Variants in STK3 observed in about 807,000 individuals in gnomAD.
STK3 encodes serine/threonine kinase 3, also known as serine/threonine-protein kinase 3.
Under a neutral mutation model 58.0 loss-of-function variants are expected in STK3, and 41 were observed. The ratio of observed to expected loss-of-function variants is 0.71; its 90% CI spans 0.55 to 0.92. STK3 has a LOEUF of 0.92. Among genes scored for constraint, STK3 ranks in the 40% least tolerant of loss-of-function variants. STK3 has a pLI of 0.00. For synonymous variants in STK3, 170 were observed against 191.0 expected, an observed-to-expected ratio of 0.89 and a Z score of 0.91; for missense variants, 479 against 602.7, an observed-to-expected ratio of 0.79 and a Z score of 2.15.
intron 3 of STK3, among the ~76,000 whole-genome samples, chr8:98,760,781 A>C (rs1203281537): frequency 6.7e-6 from 1 of 149,378 alleles, no homozygotes; most frequent in Non-Finnish European, 1.5e-5. Context: ...CATCCTTTCC[A>C]TTTCCATCTT....
intron 3 of STK3, among the ~76,000 whole-genome samples, chr8:98,404,024 C>G (rs543248670): frequency 1.2e-4 from 18 of 152,236 alleles, no homozygotes; most frequent in Non-Finnish European, 2.6e-4. Flanking sequence ...CAAACCCCCA[C>G]AAATGCATAA....
At chr8:98,666,330 T>C (rs1022520325) in intron 6 of STK3, among the ~76,000 whole-genome samples, 1 of 152,116 alleles carries the variant, frequency 6.6e-6, no homozygotes, top group Non-Finnish European at 1.5e-5. Flanking sequence ...TGCTTCTCAA[T>C]AAGAAAAATG....
intron 4 of STK3, among the ~76,000 whole-genome samples, chr8:98,725,238 A>G (rs1397545575): frequency 6.6e-6 from 1 of 152,236 alleles, no homozygotes; most frequent in African/African-American, 2.4e-5. Context: ...AAAACATCAC[A>G]TATGGTATTA....
intron 3 of STK3, among the ~76,000 whole-genome samples, chr8:98,762,722 T>C (rs1276085103): frequency 2.0e-5 from 3 of 152,244 alleles, no homozygotes; most frequent in Non-Finnish European, 4.4e-5. Context: ...CTTCTCTGCA[T>C]ATAAGCACCA....
At chr8:98,448,031 C>T (rs1819036677) in intron 1 of STK3, among the ~76,000 whole-genome samples, 2 of 150,858 alleles carry the variant, frequency 1.3e-5, no homozygotes, top group African/African-American at 4.9e-5. Context: ...AAACATTCTG[C>T]TTGGACTTTT....
intron 7 of STK3, among the ~76,000 whole-genome samples, chr8:98,588,601 T>A (rs563078043): frequency 6.6e-6 from 1 of 152,284 alleles, no homozygotes; most frequent in Non-Finnish European, 1.5e-5. Context: ...TCGAGGAGTA[T>A]CTTTATGGCG....
At chr8:98,551,378 A>G (rs1010014590) in intron 8 of STK3, among the ~76,000 whole-genome samples, 2 of 152,172 alleles carry the variant, frequency 1.3e-5, no homozygotes, top group African/African-American at 4.8e-5. Flanking sequence ...TGAATCCACT[A>G]AAGTGCTTCA....
chr8:98,783,991 A>G (rs1164480105), intron 1 of STK3, among the ~76,000 whole-genome samples: 1 of 152,224 alleles, frequency 6.6e-6, no homozygotes, highest in Non-Finnish European at 1.5e-5. Flanking sequence ...GGGAAGCCCA[A>G]GTATGCAAGA....
chr8:98,388,783 A>G (rs1300999305), upstream of STK3, among the ~76,000 whole-genome samples: 1 of 152,234 alleles, frequency 6.6e-6, no homozygotes, highest in African/African-American at 2.4e-5. Context: ...TTGCTGATTG[A>G]CTAGTTGACA....
At chr8:98,344,095 G>A in the STK3 span, among the ~76,000 whole-genome samples, 2 of 152,160 alleles carry the variant, frequency 1.3e-5, no homozygotes, top group Admixed American at 6.5e-5. Flanking sequence ...AGTTTCTGAA[G>A]TGCATTTATT....
intron 6 of STK3, among the ~76,000 whole-genome samples, chr8:98,676,529 C>T (rs1823224340): frequency 6.6e-6 from 1 of 151,682 alleles, no homozygotes; most frequent in Admixed American, 6.6e-5. Flanking sequence ...AGGAGAATCG[C>T]TTGAACCTGA....
Position 98,428,401 on chromosome 8 carries a change from A to C in STK3, n.483+5726T>G. The C allele has an allele frequency of 1.2e-6, 2 of 1,614,164 alleles. No homozygotes were observed. Among genetic ancestry groups the C allele is most frequent in the Non-Finnish European group, 1.7e-6 (2 of 1,180,032 alleles). On this transcript the variant is annotated intron_variant and non_coding_transcript_variant, in intron 3 of 3. Coordinates refer to the STK3 transcript ENST00000517832. This position sits in a 1 kb window ranked among gnomAD's most constrained non-coding sequence, Gnocchi z 6.7. ...GAGAAGTGGGACGAGCAGAGTGACC[A>C]GGAGAGCACCACGTCTTCCTTCGAT...
intron 6 of STK3, among the ~76,000 whole-genome samples, chr8:98,656,762 T>C (rs568790850): frequency 2.1e-4 from 32 of 152,170 alleles, no homozygotes; most frequent in Non-Finnish European, 3.4e-4. Context: ...GAAAGATTTA[T>C]TGTTTATAAC....
At chr8:98,689,124 A>G (rs1385635851) in intron 6 of STK3, among the ~76,000 whole-genome samples, 1 of 152,196 alleles carries the variant, frequency 6.6e-6, no homozygotes. Context: ...GGCTACTATG[A>G]ACATTTCAGT....
At chr8:98,368,611 C>A (rs2130986487), downstream of STK3, among the ~76,000 whole-genome samples, 1 of 152,296 alleles carries the variant, frequency 6.6e-6, no homozygotes, top group Non-Finnish European at 1.5e-5. Flanking sequence ...TAGGGAATGG[C>A]AGCTGCAACC....
chr8:98,547,928 C>T lies in STK3; in HGVS notation c.1141+41G>A, dbSNP rs373888024. 2.7e-5 allele frequency: 40 copies of T among 1,465,232 alleles called. No homozygotes were observed. The African/African-American group carries it at 3.4e-4, about 13-fold the overall frequency. 90.8% of individuals were successfully genotyped at this position (1,465,232 alleles called of 1,614,324 possible). A position where few individuals can be genotyped will look rare whatever the true frequency, so the allele number is the denominator to read the frequency against. ...CCTGGTTCCTATAAAAGTATCCTTT[C>T]GAATTAGAAAACTAATATTTAATGT... On this transcript the variant is annotated intron_variant, in intron 9 of 10. Coordinates refer to ENST00000419617, the MANE Select transcript of STK3 (RefSeq NM_006281.4).
At chr8:98,675,861 C>T (rs1369656093) in intron 6 of STK3, among the ~76,000 whole-genome samples, 1 of 149,952 alleles carries the variant, frequency 6.7e-6, no homozygotes, top group Non-Finnish European at 1.5e-5. Context: ...GAGACTCTGT[C>T]TCAAAAAAGA....
chr8:98,778,515 C>T (rs1036568060), intron 1 of STK3, among the ~76,000 whole-genome samples: 1 of 152,102 alleles, frequency 6.6e-6, no homozygotes, highest in African/African-American at 2.4e-5. Context: ...TTTGACCCAG[C>T]CATCCCATTA....
Position 98,683,908 on chromosome 8 carries a change from A to G in STK3, c.684+22559T>C, listed in dbSNP as rs547451136. On this transcript the variant is annotated intron_variant, in intron 6 of 10. Transcript: ENST00000419617. ...ATATTAAGAACCACAGTTCTCAGTT[A>G]TTTTCGATCAAGGAATCCTTGTTTC... Among the ~76,000 whole-genome samples the G allele has an allele frequency of 5.9e-5, 9 of 152,278 alleles. No individual in the cohort carries two copies. In the East Asian group the frequency reaches 1.7e-3, roughly 29 times the overall value.
Sources: gnomAD v4.1 joint callset for allele counts (sites outside exome capture counted in the v4.1 genomes callset) on GRCh38, gnomAD v4.1.1 for gene constraint, Gnocchi (gnomAD v3.1) non-coding constraint, MANE v1.5 for transcripts, NCBI Gene and HGNC (gene_info 2026-07-23, HGNC 2026-07-21) for gene names.